Variants in ADGRA2 observed in about 807,000 individuals in gnomAD.
ADGRA2 encodes the protein G-protein coupled receptor 124.
ADGRA2 carries 61 observed loss-of-function variants against 98.7 expected under a neutral mutation model. The observed-to-expected ratio is 0.62, with a 90% confidence interval of 0.50 to 0.76. ADGRA2 has a LOEUF of 0.76. Ranked by LOEUF, ADGRA2 falls within the 30% of genes least tolerant of loss-of-function variation. The probability of loss-of-function intolerance (pLI) is 0.00; values close to 1 mark genes in which losing one functional copy is unlikely to be tolerated. For synonymous variants in ADGRA2, 858 were observed against 831.5 expected, an observed-to-expected ratio of 1.03 and a Z score of -0.55; for missense variants, 1,712 against 1,860.0, an observed-to-expected ratio of 0.92 and a Z score of 1.46.
intron 1 of ADGRA2, among the ~76,000 whole-genome samples, chr8:37,803,955 T>C (rs935101457): frequency 3.9e-5 from 6 of 152,128 alleles, no homozygotes; most frequent in African/African-American, 1.2e-4. Context: ...CCAGGGCTCC[T>C]AGCCTTGCTG....
chr8:37,836,762 G>A (rs541706300), intron 13 of ADGRA2, among the ~76,000 whole-genome samples: 3 of 152,328 alleles, frequency 2.0e-5, no homozygotes, highest in African/African-American at 4.8e-5. Context: ...TCATCAGGAC[G>A]TCTGCCTCCC....
At chr8:37,829,033 C>T (rs1805373840) in intron 3 of ADGRA2, 74 bp downstream of exon 3, 1 of 1,054,994 alleles carries the variant, frequency 9.5e-7, no homozygotes, top group Non-Finnish European at 1.3e-6. Context: ...GCTCCATGCC[C>T]ACCCCCTTCC....
In ADGRA2 at chr8:37,842,713, A is replaced by G. The variant is rs1216844670; in HGVS notation, c.*358A>G. Reference sequence around the variant, plus strand: ...CCATGCGGCCTCACTGGGGGCCATCAGCCTCACCAGCAAAGCAGAGATGAG... The same window carrying G: ...CCATGCGGCCTCACTGGGGGCCATCGGCCTCACCAGCAAAGCAGAGATGAG... On this transcript the variant is annotated 3_prime_UTR_variant, in exon 19 of 19. Transcript: ENST00000412232. The G allele has an allele frequency of 1.8e-5, 4 of 217,598 alleles. No individual in the cohort carries two copies. The highest frequency in any genetic ancestry group is 2.7e-5 in the Non-Finnish European group (3 of 111,474). The allele number at this position is 217,598 out of a possible 1,614,324, so 13.5% of individuals were successfully genotyped here. A position where few individuals can be genotyped will look rare whatever the true frequency, so the allele number is the denominator to read the frequency against.
intron 2 of ADGRA2, among the ~76,000 whole-genome samples, chr8:37,826,082 C>T (rs1805271727): frequency 6.6e-6 from 1 of 150,576 alleles, no homozygotes; most frequent in Admixed American, 6.6e-5. Flanking sequence ...CGGGTGGGGG[C>T]TTTTGAGGGG....
chr8:37,837,660 C>G, intron 13 of ADGRA2, 71 bp from the exon 14 acceptor site: 1 of 1,281,094 alleles, frequency 7.8e-7, no homozygotes, highest in Non-Finnish European at 1.1e-6. Flanking sequence ...GCTGCTGCTG[C>G]TGAGTCCCGG....
chr8:37,800,300 G>A (rs973463720), intron 1 of ADGRA2, among the ~76,000 whole-genome samples: 2 of 152,200 alleles, frequency 1.3e-5, no homozygotes, highest in Non-Finnish European at 2.9e-5. Flanking sequence ...GCAGTTGATG[G>A]GACTCCGGAG....
rs919733950 is a variant in ADGRA2, at chr8:37,829,756, A to G, written c.555-95A>G. ...ACATAGACCCGATTTTGCCCCTCCT[A>G]CCCTCTCCAGCTTCATCCCTCCCTG... On this transcript the variant is annotated intron_variant, in intron 5 of 18. Transcript: ENST00000412232. The G allele has an allele frequency of 1.6e-5, 21 of 1,299,520 alleles. No individual in the cohort carries two copies. In the African/African-American group the frequency reaches 2.8e-4, roughly 17 times the overall value. The allele number at this position is 1,299,520 out of a possible 1,614,324, so 80.5% of individuals were successfully genotyped here. A position where few individuals can be genotyped will look rare whatever the true frequency, so the allele number is the denominator to read the frequency against.
rs898277851 is a variant in ADGRA2, at chr8:37,835,665, C to A, written c.1945C>A (p.Arg649=). ...PDCTLQLLVF[R]NGRLFHSHSN... ...CTGCACCCTGCAACTGCTCGTCTTCCGAAATGGCCGCCTCTTCCACAGCCA... is the reference window on the plus strand; with the variant it reads ...CTGCACCCTGCAACTGCTCGTCTTCAGAAATGGCCGCCTCTTCCACAGCCA... The change falls in exon 13 of 19, where the codon CGA becomes AGA. Residue 649 remains arginine (R), a synonymous_variant. Transcript: ENST00000412232. 1 of 1,613,888 alleles carries A rather than the reference C, an allele frequency of 6.2e-7. No individual in the cohort carries two copies. Among genetic ancestry groups the A allele is most frequent in the South Asian group, 1.1e-5 (1 of 91,084 alleles).
intron 8 of ADGRA2, among the ~76,000 whole-genome samples, chr8:37,831,896 C>CA (rs1805465835): frequency 6.6e-6 from 1 of 152,066 alleles, no homozygotes; most frequent in South Asian, 2.1e-4. Flanking sequence ...CCATCTCTAC[C>CA]AAAAAGCACA....
intron 2 of ADGRA2, among the ~76,000 whole-genome samples, chr8:37,820,806 G>A (rs935390306): frequency 5.9e-5 from 9 of 152,198 alleles, no homozygotes; most frequent in Admixed American, 2.0e-4. Context: ...GTAGATCTGC[G>A]TGGTATCTGT....
At chr8:37,808,186 C>T (rs1804730811) in intron 1 of ADGRA2, among the ~76,000 whole-genome samples, 1 of 152,194 alleles carries the variant, frequency 6.6e-6, no homozygotes, top group African/African-American at 2.4e-5. Flanking sequence ...CAGGAGACTC[C>T]AGGGACTGGC....
intron 17 of ADGRA2, 120 bp downstream of exon 17, chr8:37,840,386 G>A: frequency 1.8e-6 from 2 of 1,092,832 alleles, no homozygotes; most frequent in Non-Finnish European, 2.7e-6. Context: ...TCCAAAGACG[G>A]GGGAGGCTAG....
Position 37,840,241 on chromosome 8 carries a change from C to A in ADGRA2, c.2632C>A (p.Leu878Met). 6.2e-7 allele frequency: 1 copy of A among 1,612,870 alleles called. No individual in the cohort carries two copies. The change falls in exon 17 of 19, where the codon CTG becomes ATG. Residue 878 changes from leucine to methionine, a missense_variant. Coordinates refer to ENST00000412232, the MANE Select transcript of ADGRA2 (RefSeq NM_032777.10). ...APPPQEGDPA[L>M]PTPSPMLRFY... Reference sequence around the variant, plus strand: ...CCCTCCGCAAGAAGGGGACCCCGCTCTGCCTACTCCCAGTCCTATGCTCCG... The same window carrying A: ...CCCTCCGCAAGAAGGGGACCCCGCTATGCCTACTCCCAGTCCTATGCTCCG...
At chr8:37,813,520 T>C (rs1804899680) in intron 1 of ADGRA2, among the ~76,000 whole-genome samples, 1 of 152,184 alleles carries the variant, frequency 6.6e-6, no homozygotes, top group Non-Finnish European at 1.5e-5. Context: ...TGTGTGTTTG[T>C]GTGTGTGTAA....
rs73673890 is a variant in ADGRA2 at position 37,832,742 on chromosome 8, A to G, written c.1098-268A>G. 9.5e-3 allele frequency among the ~76,000 whole-genome samples: 1,451 copies of G among 152,318 alleles called. 21 individuals carry two copies. The highest frequency in any genetic ancestry group is 0.032 in the African/African-American group (1,345 of 41,564). On this transcript the variant is annotated intron_variant, in intron 8 of 18. Coordinates refer to ENST00000412232, the MANE Select transcript of ADGRA2 (RefSeq NM_032777.10). Reference sequence around the variant, plus strand: ...CTGAGAATACTGAGGCCGAGAAAGGATAAATACCTTGCCTTAAGCCATAGC... The same window carrying G: ...CTGAGAATACTGAGGCCGAGAAAGGGTAAATACCTTGCCTTAAGCCATAGC...
At chr8:37,816,142 T>C (rs960128074) in intron 2 of ADGRA2, among the ~76,000 whole-genome samples, 4 of 152,132 alleles carry the variant, frequency 2.6e-5, no homozygotes, top group African/African-American at 4.8e-5. Flanking sequence ...ATTAAGTATA[T>C]TGGGGTCTGG....
intron 2 of ADGRA2, among the ~76,000 whole-genome samples, chr8:37,828,580 G>A (rs1024268513): frequency 7.8e-5 from 11 of 140,876 alleles, no homozygotes; most frequent in African/African-American, 2.6e-4. Flanking sequence ...TCCGCCTCCC[G>A]GGTTCAAGCA....
At chr8:37,831,347 T>A in intron 7 of ADGRA2, 76 bp from the exon 8 acceptor site, 6 of 1,382,892 alleles carry the variant, frequency 4.3e-6, no homozygotes, top group Admixed American at 3.5e-5. Context: ...GCTAGTGTTG[T>A]AGGACGGTGC....
chr8:37,813,307 AC>A (rs1479429349), intron 1 of ADGRA2, among the ~76,000 whole-genome samples: 3 of 152,130 alleles, frequency 2.0e-5, no homozygotes, highest in Non-Finnish European at 4.4e-5. Flanking sequence ...GCCTGATGAG[AC>A]CTTTAGAGGC....
Sources: gnomAD v4.1 joint callset for allele counts (sites outside exome capture counted in the v4.1 genomes callset) on GRCh38, gnomAD v4.1.1 for gene constraint, MANE v1.5 for transcripts, NCBI Gene and HGNC (gene_info 2026-07-23, HGNC 2026-07-21) for gene names.